The following CUX1 variants were observed in gnomAD, a reference collection of about 807,000 sequenced individuals.
The protein encoded by CUX1 is protein CASP.
CUX1 carries 31 observed loss-of-function variants against 158.8 expected under a neutral mutation model. The observed-to-expected ratio is 0.20, with a 90% confidence interval of 0.15 to 0.26. The LOEUF (loss-of-function observed/expected upper bound fraction) is 0.26, where lower values mean the gene tolerates loss of function less well. Ranked by LOEUF, CUX1 falls within the 10% of genes least tolerant of loss-of-function variation. The pLI is 1.00. For synonymous variants in CUX1, 879 were observed against 862.1 expected, an observed-to-expected ratio of 1.02 and a Z score of -0.34; for missense variants, 1,589 against 2,014.6, an observed-to-expected ratio of 0.79 and a Z score of 4.04.
intron 2 of CUX1, among the ~76,000 whole-genome samples, chr7:101,939,193 A>C (rs543713826): frequency 6.9e-6 from 1 of 145,726 alleles, no homozygotes; most frequent in Non-Finnish European, 1.5e-5. Context: ...CATGGTAACC[A>C]CTTATCTGTT....
chr7:102,171,069 CT>C (rs1563346215), intron 10 of CUX1, among the ~76,000 whole-genome samples: 1 of 152,196 alleles, frequency 6.6e-6, no homozygotes, highest in African/African-American at 2.4e-5. Flanking sequence ...TTGCAGCTTG[CT>C]TTTTCTGAAA....
intron 2 of CUX1, among the ~76,000 whole-genome samples, chr7:102,010,222 C>T (rs1354985765): frequency 3.3e-5 from 5 of 151,932 alleles, no homozygotes; most frequent in East Asian, 1.9e-4. Context: ...GGTGAAACCC[C>T]GTCTCTACTA....
In CUX1 at chr7:102,255,617, T is replaced by C. The variant is rs1235911371; in HGVS notation, c.*6575T>C. 1.0e-6 allele frequency: 1 copy of C among 985,288 alleles called. No homozygotes were observed. The highest frequency in any genetic ancestry group is 1.1e-4 in the East Asian group (1 of 8,824). 61.0% of individuals were successfully genotyped at this position (985,288 alleles called of 1,614,324 possible). A position where few individuals can be genotyped will look rare whatever the true frequency, so the allele number is the denominator to read the frequency against. On this transcript the variant is annotated 3_prime_UTR_variant, in exon 24 of 24. Coordinates refer to ENST00000292535, the MANE Select transcript of CUX1 (RefSeq NM_181552.4). The stretch of plus-strand genomic sequence containing the variant: ...ACCACAAAATATGCTATATGCTATG[T>C]ATCAAGCTTTCTGTAATCAGAAAGA...
chr7:102,234,218 C>A lies in CUX1; in HGVS notation c.3600C>A (p.Asp1200Glu). ...NDPNNVEKLMDMKRMEKKAYM... is the reference protein window; with the variant it reads ...NDPNNVEKLMEMKRMEKKAYM... Reference sequence around the variant, plus strand: ...CCAACAATGTGGAGAAGCTGATGGACATGAAACGGATGGAGAAGAAAGGTA... The same window carrying A: ...CCAACAATGTGGAGAAGCTGATGGAAATGAAACGGATGGAGAAGAAAGGTA... Residue 1200 changes from aspartate (D) to glutamate (E), a missense_variant, in exon 22 of 24, where the codon GAC (aspartate) becomes GAA (glutamate). Transcript: ENST00000292535. 1 of 1,567,792 alleles carries A rather than the reference C, an allele frequency of 6.4e-7. No homozygotes were observed. Among genetic ancestry groups the A allele is most frequent in the Non-Finnish European group, 8.6e-7 (1 of 1,158,576 alleles).
intron 13 of CUX1, among the ~76,000 whole-genome samples, 173 bp from the exon 14 acceptor site, chr7:102,195,334 C>T (rs1226763054): frequency 6.6e-6 from 1 of 152,194 alleles, no homozygotes. Flanking sequence ...TTGTTTTCCA[C>T]GTGTGTTAAA....
At chr7:102,179,737 A>G (rs1286627976) in intron 11 of CUX1, among the ~76,000 whole-genome samples, 1 of 151,994 alleles carries the variant, frequency 6.6e-6, no homozygotes, top group Non-Finnish European at 1.5e-5. Context: ...GCCAGGGGAG[A>G]CTCTCGGAGT....
chr7:101,975,132 T>C, intron 2 of CUX1, among the ~76,000 whole-genome samples: 1 of 152,068 alleles, frequency 6.6e-6, no homozygotes, highest in South Asian at 2.1e-4. Context: ...GTGCCTGTAA[T>C]CTCAGCTGCT....
chr7:102,097,982 A>G (rs1554484914), intron 5 of CUX1, among the ~76,000 whole-genome samples: 1 of 152,256 alleles, frequency 6.6e-6, no homozygotes, highest in Non-Finnish European at 1.5e-5. Flanking sequence ...TAGGAATTTA[A>G]TGAAAGAAAA....
At chr7:102,002,323 A>AGT (rs924429036) in intron 2 of CUX1, among the ~76,000 whole-genome samples, 6 of 151,830 alleles carry the variant, frequency 4.0e-5, no homozygotes, top group South Asian at 4.2e-4. Context: ...AAATATATAT[A>AGT]GTGTGTGTGT....
rs1280829014 is a variant in CUX1 at position 101,916,783 on chromosome 7, A to G, written c.141+558A>G. 6.6e-6 allele frequency among the ~76,000 whole-genome samples: 1 copy of G among 151,976 alleles called. No individual in the cohort carries two copies. The highest frequency in any genetic ancestry group is 1.5e-5 in the Non-Finnish European group (1 of 68,028). On this transcript the variant is annotated intron_variant, in intron 2 of 23. Transcript: ENST00000292535. This position sits in a 1 kb window ranked among gnomAD's most constrained non-coding sequence, Gnocchi z 4.4. ...AAAGGGCAATGGAAATGTGCTTTTT[A>G]TATACTCCTGTTTTTTCTCTCGTGA...
rs1186565853 is a variant in CUX1 at position 102,249,845 on chromosome 7, C to T, written c.*803C>T. On this transcript the variant is annotated 3_prime_UTR_variant, in exon 24 of 24. Transcript: ENST00000292535. The stretch of plus-strand genomic sequence containing the variant: ...TTTGAAACTTTGAATTAAAATAAAA[C>T]ACATTTACTCCACATATTTTTTAAC... 1.0e-6 allele frequency: 1 copy of T among 985,402 alleles called. No homozygotes were observed. The highest frequency in any genetic ancestry group is 1.7e-5 in the African/African-American group (1 of 57,310). 61.0% of individuals were successfully genotyped at this position (985,402 alleles called of 1,614,324 possible).
At position 102,182,108 on chromosome 7, in the gene CUX1, T is replaced by G. The variant is rs142825091; in HGVS notation, c.1017+3451T>G. On this transcript the variant is annotated intron_variant, in intron 11 of 23. Transcript: ENST00000292535. ...CACACGATGGGGCCTTGAATCAGGTTGCTGTTTGGGAGAGGAGGCTCCAAG... is the reference window on the plus strand; with the variant it reads ...CACACGATGGGGCCTTGAATCAGGTGGCTGTTTGGGAGAGGAGGCTCCAAG... Among the ~76,000 whole-genome samples the G allele has an allele frequency of 2.8e-3, 430 of 152,330 alleles. 3 individuals carry two copies. Among genetic ancestry groups the G allele is most frequent in the African/African-American group, 0.01 (419 of 41,578 alleles).
At chr7:101,984,404 C>T (rs994430481) in intron 2 of CUX1, among the ~76,000 whole-genome samples, 3 of 150,756 alleles carry the variant, frequency 2.0e-5, no homozygotes, top group Non-Finnish European at 2.9e-5. Context: ...AGATAAAAAC[C>T]TCGATATACA....
At chr7:102,011,101 A>C (rs1817952900) in intron 2 of CUX1, among the ~76,000 whole-genome samples, 1 of 152,132 alleles carries the variant, frequency 6.6e-6, no homozygotes, top group South Asian at 2.1e-4. Flanking sequence ...CAACAAGAGC[A>C]AAACTCCATC....
At chr7:101,989,200 C>T (rs1814757288) in intron 2 of CUX1, among the ~76,000 whole-genome samples, 2 of 152,112 alleles carry the variant, frequency 1.3e-5, no homozygotes, top group South Asian at 4.1e-4. Context: ...CTGCCCGACT[C>T]TGTAGCATGC....
rs552592017 is a variant in CUX1, at chr7:102,253,312, G to A, written c.*4270G>A. On this transcript the variant is annotated 3_prime_UTR_variant, in exon 24 of 24. Coordinates refer to ENST00000292535, the MANE Select transcript of CUX1 (RefSeq NM_181552.4). Reference sequence around the variant, plus strand: ...TCCTTGGCCAGGGCCAGCATCAGGCGTGCAGCTCATGACCAGTTTACACAG... The same window carrying A: ...TCCTTGGCCAGGGCCAGCATCAGGCATGCAGCTCATGACCAGTTTACACAG... 5.1e-6 allele frequency: 5 copies of A among 985,568 alleles called. No individual in the cohort carries two copies. Among genetic ancestry groups the A allele is most frequent in the East Asian group, 1.1e-4 (1 of 8,812 alleles). The allele number at this position is 985,568 out of a possible 1,614,324, so 61.1% of individuals were successfully genotyped here. A position where few individuals can be genotyped will look rare whatever the true frequency, so the allele number is the denominator to read the frequency against.
upstream of CUX1, chr7:101,817,396 C>G (rs1396443977): frequency 1.0e-6 from 1 of 984,530 alleles, no homozygotes; most frequent in African/African-American, 1.8e-5. This position sits in a 1 kb window ranked among gnomAD's most constrained non-coding sequence, Gnocchi z 4.1. Context: ...TTCTCGAAAG[C>G]AGAGCCCCGG....
chr7:101,853,110 A>T (rs1237027914), intron 1 of CUX1, among the ~76,000 whole-genome samples: 1 of 152,108 alleles, frequency 6.6e-6, no homozygotes, highest in Non-Finnish European at 1.5e-5. Context: ...AACCCTAAGA[A>T]TCAGAGCTTT....
At chr7:101,969,063 C>G (rs1161516299) in intron 2 of CUX1, among the ~76,000 whole-genome samples, 1 of 151,834 alleles carries the variant, frequency 6.6e-6, no homozygotes, top group Non-Finnish European at 1.5e-5. Context: ...TGCAGTGGCT[C>G]ACACTTGTAA....
Sources: gnomAD v4.1 joint callset for allele counts (sites outside exome capture counted in the v4.1 genomes callset) on GRCh38, gnomAD v4.1.1 for gene constraint, Gnocchi (gnomAD v3.1) non-coding constraint, MANE v1.5 for transcripts, NCBI Gene and HGNC (gene_info 2026-07-23, HGNC 2026-07-21) for gene names.